RSBN1L: variants seen among roughly 807,000 people sequenced by gnomAD.
RSBN1L encodes round spermatid basic protein 1 like.
Under a neutral mutation model 67.7 loss-of-function variants are expected in RSBN1L, and 30 were observed. The observed-to-expected ratio is 0.44, with a 90% CI of 0.33 to 0.60. RSBN1L has a LOEUF of 0.60. RSBN1L is among the 20% of genes least tolerant of loss of function. The probability of loss-of-function intolerance (pLI) is 0.02; values close to 1 mark genes in which losing one functional copy is unlikely to be tolerated. For missense variants in RSBN1L, 992 were observed against 1,031.7 expected (o/e 0.96, Z 0.53); for synonymous variants, 433 against 387.0 (o/e 1.12, Z -1.39).
chr7:77,751,560 T>C (rs1205660801), intron 3 of RSBN1L, among the ~76,000 whole-genome samples: 1 of 152,210 alleles, frequency 6.6e-6, no homozygotes, highest in Non-Finnish European at 1.5e-5. Flanking sequence ...AGCCCTGTCA[T>C]TTTATAGAAA....
chr7:77,748,085 G>A (rs937247939), intron 2 of RSBN1L, among the ~76,000 whole-genome samples: 1 of 152,200 alleles, frequency 6.6e-6, no homozygotes, highest in Admixed American at 6.5e-5. Context: ...TGAGGTACTT[G>A]AGGGCACTGT....
chr7:77,727,317 C>T (rs1329366804), intron 1 of RSBN1L, among the ~76,000 whole-genome samples: 1 of 151,964 alleles, frequency 6.6e-6, no homozygotes, highest in African/African-American at 2.4e-5. Context: ...GAACTCCCGA[C>T]CTCCAGTGAT....
intron 4 of RSBN1L, 92 bp from the exon 5 acceptor site, chr7:77,768,569 G>A (rs1355125527): frequency 9.4e-7 from 1 of 1,067,714 alleles, no homozygotes; most frequent in Non-Finnish European, 1.4e-6. Flanking sequence ...GTGTATGAAA[G>A]TGTGTTTGTC....
intron 1 of RSBN1L, among the ~76,000 whole-genome samples, chr7:77,712,102 AATT>A (rs1303261661): frequency 6.6e-6 from 1 of 152,088 alleles, no homozygotes; most frequent in African/African-American, 2.4e-5. Context: ...TAAATTTTCT[AATT>A]ATAATAATAT....
At chr7:77,698,998 T>G (rs573088841) in intron 1 of RSBN1L, among the ~76,000 whole-genome samples, 120 of 152,338 alleles carry the variant, frequency 7.9e-4, no homozygotes, top group Non-Finnish European at 1.6e-3. Context: ...GATTCTTAAA[T>G]AGCGGTATTA....
At chr7:77,700,116 C>T (rs988775257) in intron 1 of RSBN1L, among the ~76,000 whole-genome samples, 17 of 152,072 alleles carry the variant, frequency 1.1e-4, no homozygotes, top group African/African-American at 3.9e-4. Flanking sequence ...TTTTTAAAAC[C>T]AGAAAATAAC....
intron 6 of RSBN1L, among the ~76,000 whole-genome samples, chr7:77,776,539 A>AT (rs904497041): frequency 4.3e-4 from 66 of 152,336 alleles, no homozygotes; most frequent in African/African-American, 1.5e-3. Flanking sequence ...GTCTTTTGTG[A>AT]TTAGCTTCTT....
intron 1 of RSBN1L, 53 bp downstream of exon 1, chr7:77,697,108 C>A: frequency 7.6e-7 from 1 of 1,318,496 alleles, no homozygotes; most frequent in South Asian, 2.1e-5. Context: ...CCCCGCCGCC[C>A]CCTGGCGCCC....
At chr7:77,704,202 A>G (rs867947227) in intron 1 of RSBN1L, among the ~76,000 whole-genome samples, 1 of 152,192 alleles carries the variant, frequency 6.6e-6, no homozygotes, top group Non-Finnish European at 1.5e-5. Context: ...ACCATCTGAT[A>G]TGTTAGAATG....
intron 2 of RSBN1L, among the ~76,000 whole-genome samples, chr7:77,737,449 A>G (rs1414316622): frequency 6.6e-6 from 1 of 152,198 alleles, no homozygotes; most frequent in Non-Finnish European, 1.5e-5. Context: ...AGAGTATTAG[A>G]TTCTGTATTT....
At position 77,725,244 on chromosome 7, in the gene RSBN1L, C is replaced by CTTTTT. The variant is rs779531960; in HGVS notation, c.587-11149_587-11145dup. On this transcript the variant is annotated intron_variant, in intron 1 of 7. Coordinates refer to ENST00000334955, the MANE Select transcript of RSBN1L (RefSeq NM_198467.3). Reference sequence around the variant, plus strand: ...TTCTTCCCTAGGGATAAGCCCCCCACTTTTTTTTTTTTTTTTTTTTTGAGA... The same window carrying CTTTTT: ...TTCTTCCCTAGGGATAAGCCCCCCACTTTTTTTTTTTTTTTTTTTTTTTTTTGAGA... Among the ~76,000 whole-genome samples the CTTTTT allele has an allele frequency of 5.8e-4, 43 of 73,636 alleles. 1 individual carries two copies. The highest frequency in any genetic ancestry group is 3.3e-3 in the South Asian group (6 of 1,804). The allele number at this position is 73,636 out of a possible 152,430, so 48.3% of individuals were successfully genotyped here.
intron 1 of RSBN1L, among the ~76,000 whole-genome samples, chr7:77,705,495 C>G (rs1471126718): frequency 6.8e-6 from 1 of 147,312 alleles, no homozygotes; most frequent in Non-Finnish European, 1.5e-5. Context: ...ACCACTAGGT[C>G]TCTCCATTGT....
intron 2 of RSBN1L, among the ~76,000 whole-genome samples, chr7:77,740,407 G>A (rs1791392629): frequency 6.6e-6 from 1 of 152,178 alleles, no homozygotes; most frequent in Non-Finnish European, 1.5e-5. Context: ...TTAGAATGAG[G>A]GTTGAAAGAA....
chr7:77,773,372 T>C, intron 6 of RSBN1L, 58 bp downstream of exon 6: 1 of 1,282,410 alleles, frequency 7.8e-7, no homozygotes. Context: ...CAATTTTTCT[T>C]GGAAAATCTT....
chr7:77,778,867 A>G lies in RSBN1L; in HGVS notation c.2240A>G (p.Tyr747Cys). ...TTTTCAGATAAACTTCATTCTAAAT[A>G]TGAATTACAGCAGATTAAACATGAA... ...SVFSDKLHSKYELQQIKHEPI... is the reference protein window; with the variant it reads ...SVFSDKLHSKCELQQIKHEPI... Residue 747 changes from tyrosine to cysteine, a missense_variant, in exon 8 of 8, where the codon TAT (tyrosine) becomes TGT (cysteine). Tyr to Cys is a radical substitution (Grantham distance 194). Coordinates refer to ENST00000334955, the MANE Select transcript of RSBN1L (RefSeq NM_198467.3). 1.9e-6 allele frequency: 3 copies of G among 1,614,038 alleles called. No homozygotes were observed. The East Asian group carries it at 6.7e-5, about 36-fold the overall frequency.
At chr7:77,747,920 G>C (rs912797312) in intron 2 of RSBN1L, among the ~76,000 whole-genome samples, 1 of 145,874 alleles carries the variant, frequency 6.9e-6, no homozygotes, top group African/African-American at 2.5e-5. Flanking sequence ...TCGGGGGGGA[G>C]CTCAGGAAAC....
intron 5 of RSBN1L, among the ~76,000 whole-genome samples, chr7:77,771,431 T>C (rs979798190): frequency 1.3e-5 from 2 of 152,024 alleles, no homozygotes; most frequent in African/African-American, 4.8e-5. Flanking sequence ...GTCTGGTGCT[T>C]AATATTGGAT....
chr7:77,742,389 A>G (rs114721627), intron 2 of RSBN1L, among the ~76,000 whole-genome samples: 265 of 152,276 alleles, frequency 1.7e-3, no homozygotes, highest in African/African-American at 5.9e-3. Flanking sequence ...TGCAGTGGTG[A>G]ATTGTGACAA....
At chr7:77,700,584 TCTC>T (rs1365731903) in intron 1 of RSBN1L, among the ~76,000 whole-genome samples, 2 of 152,192 alleles carry the variant, frequency 1.3e-5, no homozygotes, top group African/African-American at 2.4e-5. Context: ...CTAACTACAC[TCTC>T]CTCCAGTATT....
Sources: allele counts gnomAD v4.1 joint callset (sites outside exome capture counted in the v4.1 genomes callset), GRCh38; gene constraint gnomAD v4.1.1; transcripts MANE v1.5; gene names NCBI Gene and HGNC (gene_info 2026-07-23, HGNC 2026-07-21).